Variants in TENM3 observed in about 807,000 individuals in gnomAD.
The protein encoded by TENM3 is teneurin-3.
A neutral mutation model predicts 255.1 loss-of-function variants in TENM3; 63 were observed. The ratio of observed to expected loss-of-function variants is 0.25; its 90% CI spans 0.20 to 0.30. The LOEUF is 0.30. Among genes scored for constraint, TENM3 ranks in the 10% least tolerant of loss-of-function variants. The pLI is 1.00. For synonymous variants in TENM3, 1,306 were observed against 1,322.3 expected, an observed-to-expected ratio of 0.99 and a Z score of 0.27; for missense variants, 2,929 against 3,461.1, an observed-to-expected ratio of 0.85 and a Z score of 3.86.
At chr4:182,673,531 A>G (rs773698933) in intron 7 of TENM3, among the ~76,000 whole-genome samples, 5 of 152,238 alleles carry the variant, frequency 3.3e-5, no homozygotes, top group Non-Finnish European at 4.4e-5. Flanking sequence ...CAAAGATTCT[A>G]TGATAATTTC....
At chr4:182,371,026 T>C (rs1267015300) in intron 3 of TENM3, among the ~76,000 whole-genome samples, 1 of 152,182 alleles carries the variant, frequency 6.6e-6, no homozygotes, top group African/African-American at 2.4e-5. Flanking sequence ...GACGTTTTGG[T>C]CTTCAGTTTC....
intron 3 of TENM3, among the ~76,000 whole-genome samples, chr4:182,447,328 T>TAC (rs1214099940): frequency 1.2e-4 from 18 of 151,830 alleles, no homozygotes; most frequent in African/African-American, 4.3e-4. Flanking sequence ...GCGTTAGATA[T>TAC]TTCCATGTAT....
At chr4:182,244,175 G>A (rs1316331439) in intron 1 of TENM3, among the ~76,000 whole-genome samples, 3 of 151,380 alleles carry the variant, frequency 2.0e-5, no homozygotes, top group East Asian at 2.0e-4. Flanking sequence ...GGATGGTCTC[G>A]ATCTCCTGAC....
intron 1 of TENM3, among the ~76,000 whole-genome samples, chr4:182,219,137 G>C (rs754531652): frequency 2.0e-5 from 3 of 152,148 alleles, no homozygotes; most frequent in Admixed American, 6.5e-5. Flanking sequence ...CAGGTGAATC[G>C]CTTGAACCTG....
chr4:181,664,945 A>G, the TENM3 span, among the ~76,000 whole-genome samples: 1 of 152,206 alleles, frequency 6.6e-6, no homozygotes. Flanking sequence ...GCGAGATCAC[A>G]TTCTCACTAG....
chr4:181,856,043 AGGAAGGAAAG>A, the TENM3 span, among the ~76,000 whole-genome samples: 5 of 26,004 alleles, frequency 1.9e-4, no homozygotes, highest in Non-Finnish European at 6.7e-4. Context: ...GGAAGAAGGA[AGGAAGGAAAG>A]GGAAAGAAGG....
chr4:182,447,938 G>C (rs1773063331), intron 3 of TENM3, among the ~76,000 whole-genome samples: 1 of 152,138 alleles, frequency 6.6e-6, no homozygotes, highest in Admixed American at 6.5e-5. Flanking sequence ...GATAATAGTG[G>C]ATCTGGAGGG....
chr4:182,280,028 G>A (rs1280787609), intron 1 of TENM3, among the ~76,000 whole-genome samples: 1 of 152,162 alleles, frequency 6.6e-6, no homozygotes, highest in Admixed American at 6.5e-5. Context: ...TGGAGCCATG[G>A]GTAGAATTTT....
intron 1 of TENM3, among the ~76,000 whole-genome samples, chr4:182,296,528 C>T (rs1170768958): frequency 6.6e-6 from 1 of 152,116 alleles, no homozygotes; most frequent in Non-Finnish European, 1.5e-5. Flanking sequence ...TTACTGGACG[C>T]TAATTGGCTG....
At chr4:182,075,200 CTTTTTTTTTT>C in the TENM3 span, among the ~76,000 whole-genome samples, 1 of 128,198 alleles carries the variant, frequency 7.8e-6, no homozygotes, top group Non-Finnish European at 1.6e-5. Flanking sequence ...TGTTTTTTTT[CTTTTTTTTTT>C]TTTTTTGAGA....
chr4:182,365,559 C>G lies in TENM3; in HGVS notation c.511+18630C>G, dbSNP rs1437416294. Among the ~76,000 whole-genome samples the G allele has an allele frequency of 2.6e-5, 4 of 152,162 alleles. No individual in the cohort carries two copies. In the East Asian group the frequency reaches 7.7e-4, roughly 29 times the overall value. On this transcript the variant is annotated intron_variant, in intron 3 of 27. Coordinates refer to ENST00000511685, the MANE Select transcript of TENM3 (RefSeq NM_001080477.4). ...TACAGATTCTAGGTGCCAAGAAGTT[C>G]TGCATTTACTGCAGTTCAGAGTAGC...
At chr4:182,255,715 C>T (rs1758346931) in intron 1 of TENM3, among the ~76,000 whole-genome samples, 1 of 152,066 alleles carries the variant, frequency 6.6e-6, no homozygotes, top group Admixed American at 6.5e-5. Flanking sequence ...CAGAATTGGG[C>T]TTATGTGTAT....
chr4:182,101,114 A>AGAAGGAAGGAAAGAAAGAAGGGAGGGAG, the TENM3 span, among the ~76,000 whole-genome samples: 1 of 4,886 alleles, frequency 2.0e-4, no homozygotes, highest in African/African-American at 4.9e-4. Context: ...GAGGAAGGAA[A>AGAAGGAAGGAAAGAAAGAAGGGAGGGAG]GAAGGAAGGA....
chr4:181,679,973 A>T, the TENM3 span, among the ~76,000 whole-genome samples: 1 of 152,088 alleles, frequency 6.6e-6, no homozygotes. Flanking sequence ...TTACCTGGCA[A>T]ATTGCTCGTG....
At chr4:181,907,754 A>G in the TENM3 span, among the ~76,000 whole-genome samples, 2 of 152,164 alleles carry the variant, frequency 1.3e-5, no homozygotes, top group Non-Finnish European at 2.9e-5. Flanking sequence ...CGCAGGAATC[A>G]TAGAGCAAGC....
the TENM3 span, among the ~76,000 whole-genome samples, chr4:181,710,303 G>T: frequency 6.6e-6 from 1 of 152,138 alleles, no homozygotes; most frequent in Non-Finnish European, 1.5e-5. Context: ...AGGAAGTCAG[G>T]TTGCATTTCA....
At chr4:182,490,766 G>A (rs555213538) in intron 3 of TENM3, among the ~76,000 whole-genome samples, 15 of 151,106 alleles carry the variant, frequency 9.9e-5, no homozygotes, top group Non-Finnish European at 1.8e-4. Flanking sequence ...CTTAGGCATC[G>A]TATCAAGCTT....
chr4:182,036,453 A>C, the TENM3 span, among the ~76,000 whole-genome samples: 1 of 151,368 alleles, frequency 6.6e-6, no homozygotes, highest in Admixed American at 6.6e-5. Flanking sequence ...GGCATCCCAA[A>C]GTGCTAGGAT....
intron 3 of TENM3, among the ~76,000 whole-genome samples, chr4:182,382,677 A>G (rs1580360265): frequency 6.6e-6 from 1 of 152,176 alleles, no homozygotes; most frequent in South Asian, 2.1e-4. Context: ...CACAGTGTCC[A>G]TGATAGCAGC....
Sources: gnomAD v4.1 joint callset for allele counts (sites outside exome capture counted in the v4.1 genomes callset) on GRCh38, gnomAD v4.1.1 for gene constraint, MANE v1.5 for transcripts, NCBI Gene and HGNC (gene_info 2026-07-23, HGNC 2026-07-21) for gene names.